COLEC11: variants seen among roughly 807,000 people sequenced by gnomAD.
COLEC11 encodes the protein collectin subfamily member 11, also known as collectin-11.
In COLEC11, 20 loss-of-function variants were observed where a neutral mutation model predicts 27.3. The ratio of observed to expected loss-of-function variants is 0.73; its 90% CI spans 0.51 to 1.06. The LOEUF is 1.06. COLEC11 is among the 50% of genes least tolerant of loss of function. The probability of loss-of-function intolerance (pLI) is 0.00; values close to 1 mark genes in which losing one functional copy is unlikely to be tolerated. For missense variants in COLEC11, 310 were observed against 383.0 expected (o/e 0.81, Z 1.59); for synonymous variants, 163 against 154.7 (o/e 1.05, Z -0.40).
intron 3 of COLEC11, among the ~76,000 whole-genome samples, chr2:3,625,658 A>C: frequency 9.8e-6 from 1 of 102,212 alleles, no homozygotes; most frequent in Non-Finnish European, 1.9e-5. Flanking sequence ...ACAGAGTCTC[A>C]CTCTCGCTCT....
At chr2:3,625,881 C>T in intron 3 of COLEC11, 1 of 793,940 alleles carries the variant, frequency 1.3e-6, no homozygotes, top group Non-Finnish European at 2.2e-6. Flanking sequence ...GATCCGCCTA[C>T]CTTGGCCTCC....
At chr2:3,611,511 A>G in intron 2 of COLEC11, among the ~76,000 whole-genome samples, 1 of 152,104 alleles carries the variant, frequency 6.6e-6, no homozygotes, top group African/African-American at 2.4e-5. Flanking sequence ...GGGATTCTTA[A>G]TGCTGAGTTT....
intron 2 of COLEC11, among the ~76,000 whole-genome samples, chr2:3,609,604 A>T (rs2147872155): frequency 6.6e-6 from 1 of 151,008 alleles, no homozygotes; most frequent in East Asian, 2.0e-4. Context: ...ATCTTGGCTC[A>T]CTGCAACCTC....
At chr2:3,625,976 G>A (rs2147922561) in intron 3 of COLEC11, 1 of 1,554,744 alleles carries the variant, frequency 6.4e-7, no homozygotes, top group African/African-American at 1.4e-5. Context: ...TGAGTTGTCA[G>A]GCAGGGATAG....
At chr2:3,606,016 G>C in intron 2 of COLEC11, 1 of 1,499,536 alleles carries the variant, frequency 6.7e-7, no homozygotes, top group Non-Finnish European at 9.0e-7. Flanking sequence ...AATTATGTTG[G>C]AAGCAACTTA....
At chr2:3,622,946 G>A (rs1664284595) in intron 3 of COLEC11, among the ~76,000 whole-genome samples, 1 of 152,178 alleles carries the variant, frequency 6.6e-6, no homozygotes, top group Non-Finnish European at 1.5e-5. Flanking sequence ...GTTTCAGCTT[G>A]AAGAACTTTC....
chr2:3,635,139 A>G (rs1665305662), intron 3 of COLEC11, among the ~76,000 whole-genome samples: 1 of 84,576 alleles, frequency 1.2e-5, no homozygotes, highest in Non-Finnish European at 2.4e-5. Context: ...CCCTCTCCCA[A>G]CGTGCCCCGT....
At chr2:3,639,780 G>A (rs62107248) in intron 4 of COLEC11, among the ~76,000 whole-genome samples, 1 of 152,200 alleles carries the variant, frequency 6.6e-6, no homozygotes, top group Non-Finnish European at 1.5e-5. Context: ...CTGGCATCTG[G>A]GCCCTCCAGG....
At position 3,607,449 on chromosome 2, in the gene COLEC11, C is replaced by CTTTTT. The variant is rs377560723; in HGVS notation, c.130+2990_130+2994dup. Among the ~76,000 whole-genome samples the CTTTTT allele has an allele frequency of 5.5e-5, 6 of 109,182 alleles. 1 individual carries two copies. Among genetic ancestry groups the CTTTTT allele is most frequent in the Non-Finnish European group, 1.1e-4 (6 of 55,878 alleles). The allele number at this position is 109,182 out of a possible 152,430, so 71.6% of individuals were successfully genotyped here. The stretch of plus-strand genomic sequence containing the variant: ...CTTTATCAAATGAATTTTTTTTTTG[C>CTTTTT]TTTTTTTTTTTTTTTGAGATGGAGT... On this transcript the variant is annotated intron_variant, in intron 2 of 6. Coordinates refer to ENST00000349077, the MANE Select transcript of COLEC11 (RefSeq NM_024027.5).
intron 1 of COLEC11, chr2:3,601,775 C>T (rs1558484195): frequency 6.6e-6 from 1 of 152,344 alleles, no homozygotes; most frequent in Non-Finnish European, 1.5e-5. Context: ...TCCTCTCTCC[C>T]TTCCCGCCCC....
chr2:3,599,704 C>T (rs1287348622), intron 1 of COLEC11, among the ~76,000 whole-genome samples: 1 of 152,184 alleles, frequency 6.6e-6, no homozygotes, highest in African/African-American at 2.4e-5. Context: ...TGCCAAGTCC[C>T]GGGAGGTCTC....
chr2:3,631,210 G>A (rs946282106), intron 3 of COLEC11, among the ~76,000 whole-genome samples: 5 of 151,344 alleles, frequency 3.3e-5, no homozygotes, highest in South Asian at 4.2e-4. Context: ...CAGCCTGCAC[G>A]ACAGAGCAAG....
intron 3 of COLEC11, among the ~76,000 whole-genome samples, chr2:3,629,947 G>A (rs1664854505): frequency 6.6e-6 from 1 of 152,200 alleles, no homozygotes; most frequent in Non-Finnish European, 1.5e-5. Flanking sequence ...TATATACGAT[G>A]TGCAGTTACA....
chr2:3,608,332 AT>A (rs1414877520), intron 2 of COLEC11, among the ~76,000 whole-genome samples: 2 of 152,358 alleles, frequency 1.3e-5, no homozygotes, highest in East Asian at 3.9e-4. Flanking sequence ...ATAACTTGTC[AT>A]TAGAACTTTA....
chr2:3,606,591 C>G (rs1254317709), intron 2 of COLEC11, among the ~76,000 whole-genome samples: 1 of 152,176 alleles, frequency 6.6e-6, no homozygotes, highest in Non-Finnish European at 1.5e-5. Flanking sequence ...GGGACCCAGC[C>G]CCTGCTCCTT....
chr2:3,639,252 G>A (rs776824813), intron 4 of COLEC11, among the ~76,000 whole-genome samples: 2 of 152,210 alleles, frequency 1.3e-5, no homozygotes, highest in East Asian at 1.9e-4. Flanking sequence ...TGTGAATAAC[G>A]CCACATTGCG....
At chr2:3,635,030 C>T (rs1665283325) in intron 3 of COLEC11, among the ~76,000 whole-genome samples, 1 of 148,996 alleles carries the variant, frequency 6.7e-6, no homozygotes, top group Non-Finnish European at 1.5e-5. Context: ...CTGGACACTT[C>T]TCTCAGGTGC....
At chr2:3,614,714 A>G (rs1663518876) in intron 3 of COLEC11, among the ~76,000 whole-genome samples, 1 of 152,192 alleles carries the variant, frequency 6.6e-6, no homozygotes. Flanking sequence ...TGTAGAAGAA[A>G]ATTTCTTATA....
At chr2:3,607,090 C>G (rs1331107069) in intron 2 of COLEC11, among the ~76,000 whole-genome samples, 1 of 151,902 alleles carries the variant, frequency 6.6e-6, no homozygotes, top group Non-Finnish European at 1.5e-5. Flanking sequence ...ACCCCCACAA[C>G]CCCCTGTGTT....
Sources: allele counts gnomAD v4.1 joint callset (sites outside exome capture counted in the v4.1 genomes callset), GRCh38; gene constraint gnomAD v4.1.1; transcripts MANE v1.5; gene names NCBI Gene and HGNC (gene_info 2026-07-23, HGNC 2026-07-21).